GALNT14: variants seen among roughly 807,000 people sequenced by gnomAD.
The protein encoded by GALNT14 is UDP-GalNAc:polypeptide N-acetylgalactosaminyltransferase 14.
Under a neutral mutation model 77.5 loss-of-function variants are expected in GALNT14, and 60 were observed. That is an observed-to-expected ratio of 0.77 (90% CI 0.63 to 0.96). The LOEUF (loss-of-function observed/expected upper bound fraction) is 0.96. GALNT14 is among the 40% of genes least tolerant of loss of function. The pLI is 0.00. For synonymous variants in GALNT14, 280 were observed against 281.7 expected, an observed-to-expected ratio of 0.99 and a Z score of 0.06; for missense variants, 710 against 731.0, an observed-to-expected ratio of 0.97 and a Z score of 0.33.
intron 1 of GALNT14, among the ~76,000 whole-genome samples, chr2:31,029,686 A>G (rs2113487): frequency 0.43 from 65,088 of 151,974 alleles, 14,066 homozygotes; most frequent in East Asian, 0.55. Context: ...GTAGACTAGA[A>G]CAACACTCTA....
chr2:30,995,666 T>TA (rs1416730696), intron 1 of GALNT14, among the ~76,000 whole-genome samples: 1 of 152,138 alleles, frequency 6.6e-6, no homozygotes, highest in African/African-American at 2.4e-5. Context: ...CTCATTTTTT[T>TA]ACGTTTTATT....
downstream of GALNT14, among the ~76,000 whole-genome samples, chr2:30,909,204 C>A (rs1258576017): frequency 4.7e-3 from 710 of 150,494 alleles, 4 homozygotes; most frequent in African/African-American, 0.017. Flanking sequence ...CCAAAATTGA[C>A]AAATGGGATC....
intron 1 of GALNT14, among the ~76,000 whole-genome samples, chr2:31,127,566 G>A (rs1013140179): frequency 2.6e-5 from 4 of 152,152 alleles, no homozygotes; most frequent in Non-Finnish European, 5.9e-5. Context: ...AATACTTACT[G>A]GCCCTTGACA....
chr2:31,016,541 C>T (rs540331458), intron 1 of GALNT14, among the ~76,000 whole-genome samples: 2 of 152,186 alleles, frequency 1.3e-5, no homozygotes, highest in Non-Finnish European at 2.9e-5. Context: ...GTGCCCCACA[C>T]GAACTCCTTC....
chr2:30,910,650 C>G lies in GALNT14; in HGVS notation c.*251G>C. ...TAGGTTTCTGTCTCCAGATACCAAT[C>G]AGGGAATGACTGGCCAGGACTGGAA... On this transcript the variant is annotated 3_prime_UTR_variant, in exon 15 of 15. Coordinates refer to ENST00000349752, the MANE Select transcript of GALNT14 (RefSeq NM_024572.4). 2.3e-6 allele frequency: 1 copy of G among 425,750 alleles called. No homozygotes were observed. The highest frequency in any genetic ancestry group is 4.1e-5 in the Admixed American group (1 of 24,422). 26.4% of individuals were successfully genotyped at this position (425,750 alleles called of 1,614,324 possible).
chr2:31,101,873 T>C (rs180774644), intron 1 of GALNT14, among the ~76,000 whole-genome samples: 4 of 152,190 alleles, frequency 2.6e-5, no homozygotes, highest in Non-Finnish European at 5.9e-5. Flanking sequence ...CTGCTGTTCT[T>C]GTGACAGTGA....
At chr2:31,106,491 C>T (rs1319506116) in intron 1 of GALNT14, among the ~76,000 whole-genome samples, 1 of 152,124 alleles carries the variant, frequency 6.6e-6, no homozygotes, top group Non-Finnish European at 1.5e-5. Flanking sequence ...TGAGATTCTT[C>T]CAACTTCATC....
At chr2:31,048,303 G>A (rs956346299) in intron 1 of GALNT14, among the ~76,000 whole-genome samples, 1 of 152,192 alleles carries the variant, frequency 6.6e-6, no homozygotes, top group Non-Finnish European at 1.5e-5. Flanking sequence ...TGAAGATTTG[G>A]GGCCCTGCTG....
At chr2:30,939,286 G>T (rs1371895143) in intron 9 of GALNT14, among the ~76,000 whole-genome samples, 1 of 152,196 alleles carries the variant, frequency 6.6e-6, no homozygotes, top group African/African-American at 2.4e-5. Context: ...GTAGGGCAGG[G>T]AAAGCTTTCT....
intron 1 of GALNT14, among the ~76,000 whole-genome samples, chr2:31,019,640 G>C (rs185978279): frequency 1.3e-5 from 2 of 152,294 alleles, no homozygotes; most frequent in Admixed American, 1.3e-4. Context: ...AGGTTAAGTG[G>C]CTATCGCTGT....
At chr2:30,904,368 C>T in the GALNT14 span, among the ~76,000 whole-genome samples, 1,054 of 152,284 alleles carry the variant, frequency 6.9e-3, 19 homozygotes, top group African/African-American at 0.024. Flanking sequence ...GTGTGCGAGC[C>T]GAAGCAGGGC....
chr2:31,115,116 G>T (rs1467837704), intron 1 of GALNT14, among the ~76,000 whole-genome samples: 1 of 152,024 alleles, frequency 6.6e-6, no homozygotes, highest in African/African-American at 2.4e-5. Context: ...CAGGCAGAGT[G>T]CCACATGTCT....
intron 3 of GALNT14, among the ~76,000 whole-genome samples, chr2:30,961,982 T>G (rs932302193): frequency 1.3e-5 from 2 of 152,154 alleles, no homozygotes; most frequent in African/African-American, 4.8e-5. Context: ...CATGAGCCCC[T>G]GTGCCCAGCC....
intron 3 of GALNT14, among the ~76,000 whole-genome samples, chr2:30,965,071 T>C (rs1667919440): frequency 6.6e-6 from 1 of 151,520 alleles, no homozygotes; most frequent in Admixed American, 6.6e-5. Context: ...GACATGGAGG[T>C]ACTGGGGGTT....
At chr2:31,057,360 G>A in intron 1 of GALNT14, among the ~76,000 whole-genome samples, 1 of 82,938 alleles carries the variant, frequency 1.2e-5, no homozygotes, top group African/African-American at 5.9e-5. Flanking sequence ...GTGTGTGTGT[G>A]TGTGTGTGTG....
Position 31,029,087 on chromosome 2 carries a change from C to T in GALNT14, c.130-36080G>A, listed in dbSNP as rs549862598. Among the ~76,000 whole-genome samples the T allele has an allele frequency of 2.8e-4, 42 of 152,196 alleles. 1 individual carries two copies. The highest frequency in any genetic ancestry group is 2.2e-3 in the Admixed American group (34 of 15,288). ...GCCCCACCCAACAAGAACTCTAACG[C>T]GTGCAGAGGGAAGAAAATTGGCCCA... On this transcript the variant is annotated intron_variant, in intron 1 of 14. Coordinates refer to ENST00000349752, the MANE Select transcript of GALNT14 (RefSeq NM_024572.4).
At chr2:31,036,168 T>C (rs968827633) in intron 1 of GALNT14, among the ~76,000 whole-genome samples, 1 of 152,218 alleles carries the variant, frequency 6.6e-6, no homozygotes, top group Non-Finnish European at 1.5e-5. Flanking sequence ...ATCTCTGTCA[T>C]TTTGCTTTAG....
chr2:30,994,045 G>A (rs940319145), intron 1 of GALNT14, among the ~76,000 whole-genome samples: 1 of 152,216 alleles, frequency 6.6e-6, no homozygotes, highest in Non-Finnish European at 1.5e-5. Context: ...CCCCTGGGGA[G>A]GAGCTGGTCT....
intron 13 of GALNT14, 151 bp downstream of exon 13, chr2:30,923,968 T>C: frequency 1.2e-6 from 1 of 846,272 alleles, no homozygotes; most frequent in Non-Finnish European, 1.9e-6. Flanking sequence ...AGTGGCAGAG[T>C]GGGGGGATCA....
Sources: allele counts gnomAD v4.1 joint callset (sites outside exome capture counted in the v4.1 genomes callset), GRCh38; gene constraint gnomAD v4.1.1; transcripts MANE v1.5; gene names NCBI Gene and HGNC (gene_info 2026-07-23, HGNC 2026-07-21).